The following GPR39 variants were observed in gnomAD, a reference collection of about 807,000 sequenced individuals.
GPR39 encodes the protein G protein-coupled receptor 39.
A neutral mutation model predicts 18.4 loss-of-function variants in GPR39; 23 were observed. That is an observed-to-expected ratio of 1.25 (90% confidence interval 0.90 to 1.77). GPR39 has a LOEUF of 1.77. Ranked by LOEUF, GPR39 falls within the 40% of genes most tolerant of loss-of-function variation. GPR39 has a pLI of 0.00. For synonymous variants in GPR39, 280 were observed against 257.9 expected, an observed-to-expected ratio of 1.09 and a Z score of -0.82; for missense variants, 647 against 602.4, an observed-to-expected ratio of 1.07 and a Z score of -0.78.
At chr2:132,601,871 G>C (rs1245299223) in intron 1 of GPR39, among the ~76,000 whole-genome samples, 1 of 151,946 alleles carries the variant, frequency 6.6e-6, no homozygotes, top group Non-Finnish European at 1.5e-5. Flanking sequence ...AAAGATATCT[G>C]CAATGAAAAC....
At chr2:132,624,295 G>A (rs770659846) in intron 1 of GPR39, among the ~76,000 whole-genome samples, 3 of 151,880 alleles carry the variant, frequency 2.0e-5, no homozygotes, top group African/African-American at 4.8e-5. Context: ...ATTAGATTGG[G>A]GCTCATTGTA....
In GPR39 at chr2:132,564,927, C is replaced by T. The variant is rs889006897; in HGVS notation, c.857-80174C>T. Among the ~76,000 whole-genome samples, 3 of 149,188 alleles carry T rather than the reference C, an allele frequency of 2.0e-5. No homozygotes were observed. In the East Asian group the frequency reaches 6.4e-4, roughly 32 times the overall value. On this transcript the variant is annotated intron_variant, in intron 1 of 1. Transcript: ENST00000329321. ...CACCTCCCAGGCTCAAGCAATTCTC[C>T]TGCCACAGCCTCTTGAGTAGCTGGG...
intron 1 of GPR39, among the ~76,000 whole-genome samples, chr2:132,622,691 A>C (rs1427925934): frequency 6.6e-6 from 1 of 152,216 alleles, no homozygotes; most frequent in East Asian, 1.9e-4. Flanking sequence ...TGAAAGACTT[A>C]AGCTTTGTCT....
intron 1 of GPR39, among the ~76,000 whole-genome samples, chr2:132,611,234 T>C (rs1051142643): frequency 6.6e-6 from 1 of 152,228 alleles, no homozygotes; most frequent in African/African-American, 2.4e-5. Context: ...CTGTCTGACG[T>C]TTCTTTGCTT....
rs535522593 is a variant in GPR39 at position 132,476,373 on chromosome 2, C to G, written c.856+58475C>G. Among the ~76,000 whole-genome samples the G allele has an allele frequency of 3.3e-5, 5 of 152,134 alleles. No homozygotes were observed. The South Asian group carries it at 8.3e-4, about 25-fold the overall frequency. ...TTCCCAGGCTGGGCACGGTGGCTCA[C>G]GCCTGTAATCCCAGCACTTTGGGAG... On this transcript the variant is annotated intron_variant, in intron 1 of 1. Transcript: ENST00000329321.
chr2:132,593,697 A>ATT (rs201140624), intron 1 of GPR39, among the ~76,000 whole-genome samples: 1 of 150,456 alleles, frequency 6.6e-6, no homozygotes, highest in Admixed American at 6.6e-5. Flanking sequence ...GTTTGATGTG[A>ATT]TTTTTTTTTT....
At chr2:132,550,401 T>G (rs1680022389) in intron 1 of GPR39, among the ~76,000 whole-genome samples, 1 of 152,208 alleles carries the variant, frequency 6.6e-6, no homozygotes. Flanking sequence ...ACTTGCCTCT[T>G]GGAAAACACA....
At position 132,643,462 on chromosome 2, in the gene GPR39, C is replaced by G. The variant is rs138965625; in HGVS notation, c.857-1639C>G. ...CAGGCAAGGAATACTCAGGCCAGTG[C>G]ATACAGGAGGCTCAATTCTGGATGT... On this transcript the variant is annotated intron_variant, in intron 1 of 1. Transcript: ENST00000329321. Among the ~76,000 whole-genome samples the G allele has an allele frequency of 5.9e-3, 904 of 152,300 alleles. 7 individuals are homozygous for G. Among genetic ancestry groups the G allele is most frequent in the African/African-American group, 0.021 (863 of 41,570 alleles).
intron 1 of GPR39, among the ~76,000 whole-genome samples, chr2:132,613,663 T>G (rs1190094248): frequency 6.6e-6 from 1 of 152,160 alleles, no homozygotes; most frequent in African/African-American, 2.4e-5. Context: ...CACAAGCACA[T>G]GATAAAGGTT....
At chr2:132,634,085 G>A (rs1681704573) in intron 1 of GPR39, among the ~76,000 whole-genome samples, 1 of 151,910 alleles carries the variant, frequency 6.6e-6, no homozygotes, top group Non-Finnish European at 1.5e-5. Context: ...TGGTGTTGGT[G>A]TTCGTGGTGA....
At chr2:132,478,341 A>G (rs1681168824) in intron 1 of GPR39, among the ~76,000 whole-genome samples, 1 of 152,264 alleles carries the variant, frequency 6.6e-6, no homozygotes, top group African/African-American at 2.4e-5. Context: ...TTGTTGAATT[A>G]TCTGGCAAAA....
chr2:132,559,765 T>C (rs1044342055), intron 1 of GPR39, among the ~76,000 whole-genome samples: 1 of 152,130 alleles, frequency 6.6e-6, no homozygotes, highest in Non-Finnish European at 1.5e-5. Flanking sequence ...GCATTGGTTC[T>C]CCAAGGGTAA....
intron 1 of GPR39, among the ~76,000 whole-genome samples, chr2:132,484,446 G>T (rs1681293315): frequency 6.6e-6 from 1 of 152,336 alleles, no homozygotes; most frequent in East Asian, 1.9e-4. Context: ...GAGATGTTGT[G>T]ACCCCATGCA....
intron 1 of GPR39, among the ~76,000 whole-genome samples, chr2:132,476,271 C>T (rs924965605): frequency 1.3e-5 from 2 of 152,132 alleles, no homozygotes; most frequent in Non-Finnish European, 2.9e-5. Context: ...GTCCTGGTTC[C>T]AAAGTTTCTG....
intron 1 of GPR39, among the ~76,000 whole-genome samples, chr2:132,555,077 G>A (rs763475127): frequency 2.6e-5 from 4 of 151,832 alleles, no homozygotes; most frequent in South Asian, 2.1e-4. Flanking sequence ...TCAGCCTCCC[G>A]AGTAGCTGGG....
intron 1 of GPR39, among the ~76,000 whole-genome samples, chr2:132,557,347 A>G (rs1558838684): frequency 6.6e-6 from 1 of 152,096 alleles, no homozygotes; most frequent in Non-Finnish European, 1.5e-5. Flanking sequence ...AACTTGTAGG[A>G]TTTTTTAGTG....
At chr2:132,614,887 A>G (rs1681306056) in intron 1 of GPR39, among the ~76,000 whole-genome samples, 1 of 152,228 alleles carries the variant, frequency 6.6e-6, no homozygotes, top group Non-Finnish European at 1.5e-5. Flanking sequence ...AACTTCAGAA[A>G]ACACAGAAAT....
chr2:132,571,600 A>G (rs1288699972), intron 1 of GPR39, among the ~76,000 whole-genome samples: 1 of 152,178 alleles, frequency 6.6e-6, no homozygotes, highest in African/African-American at 2.4e-5. Context: ...TGTCCTTGGA[A>G]GTAAGTGACT....
intron 1 of GPR39, among the ~76,000 whole-genome samples, chr2:132,506,076 T>C (rs1490751534): frequency 1.3e-5 from 2 of 152,212 alleles, no homozygotes; most frequent in Non-Finnish European, 2.9e-5. Context: ...TTTTGTCTTT[T>C]TAATAATAGC....
Sources: gnomAD v4.1 joint callset for allele counts (sites outside exome capture counted in the v4.1 genomes callset) on GRCh38, gnomAD v4.1.1 for gene constraint, MANE v1.5 for transcripts, NCBI Gene and HGNC (gene_info 2026-07-23, HGNC 2026-07-21) for gene names.